The following ROBO1 variants were observed in gnomAD, a reference collection of about 807,000 sequenced individuals.
The protein encoded by ROBO1 is roundabout guidance receptor 1, also known as roundabout homolog 1.
In ROBO1, 149 loss-of-function variants were observed where a neutral mutation model predicts 195.9. The ratio of observed to expected loss-of-function variants is 0.76; its 90% CI spans 0.67 to 0.87. The LOEUF is 0.87. ROBO1 is among the 40% of genes least tolerant of loss of function. The pLI, the probability that ROBO1 is intolerant of heterozygous loss-of-function variation, is 0.00. For synonymous variants in ROBO1, 816 were observed against 733.2 expected (o/e 1.11, Z -1.82); for missense variants, 1,933 against 2,068.3 (o/e 0.93, Z 1.27).
At chr3:79,574,183 T>A (rs1943370901) in intron 2 of ROBO1, among the ~76,000 whole-genome samples, 1 of 152,146 alleles carries the variant, frequency 6.6e-6, no homozygotes, top group African/African-American at 2.4e-5. Flanking sequence ...TAATGATATA[T>A]CTCTGAGTCT....
intron 2 of ROBO1, among the ~76,000 whole-genome samples, chr3:79,264,448 C>T (rs768011225): frequency 9.2e-5 from 14 of 151,828 alleles, no homozygotes; most frequent in Non-Finnish European, 1.8e-4. Flanking sequence ...CTTTGTCTCT[C>T]TTTCCCTTCG....
rs1436533255 is a variant in ROBO1, at chr3:79,131,482, A to G, written c.89-5943T>C. Among the ~76,000 whole-genome samples, 3 of 14,660 alleles carry G rather than the reference A, an allele frequency of 2.0e-4. 1 individual carries two copies. The highest frequency in any genetic ancestry group is 2.4e-4 in the African/African-American group (2 of 8,184). The allele number at this position is 14,660 out of a possible 152,430, so 9.6% of individuals were successfully genotyped here. A position where few individuals can be genotyped will look rare whatever the true frequency, so the allele number is the denominator to read the frequency against. On this transcript the variant is annotated intron_variant, in intron 2 of 30. Transcript: ENST00000464233. The stretch of plus-strand genomic sequence containing the variant: ...AGTTTTTTTGTGTAGAGGTGTTTGT[A>G]GTATTCTCTGATGGTAGTTTGTATT...
intron 1 of ROBO1, among the ~76,000 whole-genome samples, chr3:79,701,745 G>A (rs1947628164): frequency 6.6e-6 from 1 of 151,644 alleles, no homozygotes; most frequent in Non-Finnish European, 1.5e-5. Flanking sequence ...AGATGTACAT[G>A]TAACATATGC....
chr3:79,279,403 C>T (rs1281626847), intron 2 of ROBO1, among the ~76,000 whole-genome samples: 2 of 151,996 alleles, frequency 1.3e-5, no homozygotes, highest in African/African-American at 2.4e-5. Flanking sequence ...AGATCATCAA[C>T]GAAATGCAAA....
chr3:78,968,402 T>C (rs1005939578), intron 3 of ROBO1, among the ~76,000 whole-genome samples: 4 of 151,514 alleles, frequency 2.6e-5, no homozygotes, highest in Admixed American at 2.6e-4. Flanking sequence ...ATAGCTGGGA[T>C]TATAGGTGTG....
At chr3:78,999,946 A>T (rs1047727589) in intron 3 of ROBO1, among the ~76,000 whole-genome samples, 23 of 152,066 alleles carry the variant, frequency 1.5e-4, no homozygotes, top group Admixed American at 2.6e-4. Context: ...TAGGAAGTAC[A>T]TTTTCCCTTC....
At chr3:79,453,987 G>T (rs149075266) in intron 2 of ROBO1, among the ~76,000 whole-genome samples, 155 of 152,174 alleles carry the variant, frequency 1.0e-3, no homozygotes, top group African/African-American at 3.3e-3. Flanking sequence ...CTCATACTTG[G>T]TCAGCCTAAG....
chr3:79,757,136 C>T (rs1158570823), intron 1 of ROBO1, among the ~76,000 whole-genome samples: 1 of 152,060 alleles, frequency 6.6e-6, no homozygotes, highest in African/African-American at 2.4e-5. Context: ...TGTACAAATA[C>T]TTTGTTTGAG....
At chr3:79,437,596 A>G (rs1340516847) in intron 2 of ROBO1, among the ~76,000 whole-genome samples, 1 of 152,084 alleles carries the variant, frequency 6.6e-6, no homozygotes, top group African/African-American at 2.4e-5. Flanking sequence ...GAAATATTAT[A>G]CAAAACAATG....
At chr3:79,025,588 G>T (rs2078188862) in intron 3 of ROBO1, among the ~76,000 whole-genome samples, 6 of 151,968 alleles carry the variant, frequency 3.9e-5, no homozygotes, top group Admixed American at 3.9e-4. Context: ...TATTTCTATA[G>T]TTCTAAAGTT....
intron 3 of ROBO1, among the ~76,000 whole-genome samples, chr3:79,119,037 C>T (rs1362986569): frequency 1.3e-5 from 2 of 151,998 alleles, no homozygotes; most frequent in Non-Finnish European, 1.5e-5. Context: ...CCAAGTTTTC[C>T]ACACGGAAAA....
At chr3:79,710,265 T>G (rs999399572) in intron 1 of ROBO1, among the ~76,000 whole-genome samples, 2 of 152,058 alleles carry the variant, frequency 1.3e-5, no homozygotes, top group African/African-American at 4.8e-5. Flanking sequence ...ATGTACACTA[T>G]CTCTCTAGTT....
chr3:79,020,929 C>G (rs1226545235), intron 3 of ROBO1, among the ~76,000 whole-genome samples: 2 of 151,986 alleles, frequency 1.3e-5, no homozygotes, highest in Non-Finnish European at 2.9e-5. Flanking sequence ...TAGTGTTGTG[C>G]TTTTCCATGT....
intron 1 of ROBO1, among the ~76,000 whole-genome samples, chr3:79,643,967 G>A (rs142839420): frequency 6.6e-6 from 1 of 152,204 alleles, no homozygotes; most frequent in Admixed American, 6.5e-5. Context: ...AGTCTATGCT[G>A]TCTACTTCAC....
At position 79,640,112 on chromosome 3, in the gene ROBO1, C is replaced by T. The variant is rs72892172; in HGVS notation, c.-50-50151G>A. On this transcript the variant is annotated intron_variant, in intron 1 of 30. Transcript: ENST00000464233. ...GAACACAACTAATGAAGTCTACCAACTTCCCCTTTTGCCATTCTCTGTTGC... is the reference window on the plus strand; with the variant it reads ...GAACACAACTAATGAAGTCTACCAATTTCCCCTTTTGCCATTCTCTGTTGC... 6.6e-3 allele frequency among the ~76,000 whole-genome samples: 999 copies of T among 152,200 alleles called. 10 individuals carry two copies. The highest frequency in any genetic ancestry group is 0.023 in the African/African-American group (941 of 41,520).
intron 3 of ROBO1, among the ~76,000 whole-genome samples, chr3:79,015,119 A>G (rs1211113399): frequency 6.6e-6 from 1 of 152,236 alleles, no homozygotes; most frequent in African/African-American, 2.4e-5. Flanking sequence ...CCTTTAAATC[A>G]CAAATGTCTT....
intron 2 of ROBO1, among the ~76,000 whole-genome samples, chr3:79,434,727 G>T (rs554029569): frequency 1.3e-5 from 2 of 152,084 alleles, no homozygotes; most frequent in Non-Finnish European, 2.9e-5. Context: ...ATACCCAAAG[G>T]ATTAGAAATC....
At chr3:79,173,607 C>G (rs370981481) in intron 2 of ROBO1, among the ~76,000 whole-genome samples, 5 of 152,230 alleles carry the variant, frequency 3.3e-5, no homozygotes, top group African/African-American at 7.2e-5. Context: ...GAGCCTCCCC[C>G]ACTCCATGGG....
At chr3:78,806,795 C>A (rs1040272731) in intron 4 of ROBO1, among the ~76,000 whole-genome samples, 3 of 151,736 alleles carry the variant, frequency 2.0e-5, no homozygotes, top group Non-Finnish European at 4.4e-5. Context: ...ATATAAAGAC[C>A]TTGCTTTTTT....
Sources: gnomAD v4.1 joint callset for allele counts (sites outside exome capture counted in the v4.1 genomes callset) on GRCh38, gnomAD v4.1.1 for gene constraint, MANE v1.5 for transcripts, NCBI Gene and HGNC (gene_info 2026-07-23, HGNC 2026-07-21) for gene names.